The following EPS15 variants were observed in gnomAD, a reference collection of about 807,000 sequenced individuals.
EPS15 encodes the protein epidermal growth factor receptor pathway substrate 15.
EPS15 carries 72 observed loss-of-function variants against 113.8 expected under a neutral mutation model. The observed-to-expected ratio is 0.63, with a 90% CI of 0.52 to 0.77. The LOEUF (loss-of-function observed/expected upper bound fraction) is 0.77, where lower values mean the gene tolerates loss of function less well. EPS15 is among the 30% of genes least tolerant of loss of function. The probability of loss-of-function intolerance (pLI) is 0.00; values close to 1 mark genes in which losing one functional copy is unlikely to be tolerated. For synonymous variants in EPS15, 344 were observed against 363.4 expected (o/e 0.95, Z 0.61); for missense variants, 1,048 against 1,045.8 (o/e 1.00, Z -0.03).
intron 12 of EPS15, among the ~76,000 whole-genome samples, chr1:51,427,045 T>C (rs868716716): frequency 1.1e-4 from 17 of 152,078 alleles, no homozygotes; most frequent in Non-Finnish European, 2.2e-4. Flanking sequence ...GGTCATTTCA[T>C]CTTTTTTAAG....
intron 21 of EPS15, among the ~76,000 whole-genome samples, chr1:51,393,122 T>C (rs904542920): frequency 2.0e-5 from 3 of 152,366 alleles, no homozygotes; most frequent in South Asian, 2.1e-4. Flanking sequence ...TTGCTACTCA[T>C]GTTGGGAGTT....
chr1:51,435,388 T>C (rs1652071055), intron 12 of EPS15, among the ~76,000 whole-genome samples: 1 of 152,060 alleles, frequency 6.6e-6, no homozygotes, highest in Admixed American at 6.5e-5. Flanking sequence ...CAGATGAGGT[T>C]TCGCCATGTT....
chr1:51,408,894 G>C (rs919929965), intron 14 of EPS15, among the ~76,000 whole-genome samples: 1 of 151,694 alleles, frequency 6.6e-6, no homozygotes, highest in South Asian at 2.1e-4. Context: ...CCGCCTCCTG[G>C]GTTCACACCA....
chr1:51,385,335 T>C (rs557269915), intron 21 of EPS15, among the ~76,000 whole-genome samples: 20 of 152,192 alleles, frequency 1.3e-4, no homozygotes, highest in Admixed American at 8.5e-4. Context: ...ATACTAATCA[T>C]TAGGGAAATA....
chr1:51,439,032 A>G (rs1420778276), intron 12 of EPS15, among the ~76,000 whole-genome samples: 1 of 152,150 alleles, frequency 6.6e-6, no homozygotes, highest in Non-Finnish European at 1.5e-5. Flanking sequence ...GAAATGCCAG[A>G]AGAGAGGCAC....
intron 6 of EPS15, among the ~76,000 whole-genome samples, chr1:51,464,151 C>CA (rs1654676816): frequency 6.6e-6 from 1 of 151,768 alleles, no homozygotes; most frequent in African/African-American, 2.4e-5. Context: ...AGACCCAGAG[C>CA]AAAAAAGTAA....
chr1:51,447,950 T>C, intron 9 of EPS15, 96 bp downstream of exon 9: 1 of 1,509,778 alleles, frequency 6.6e-7, no homozygotes, highest in Non-Finnish European at 8.9e-7. Flanking sequence ...TTAATGGTGC[T>C]TTGGTAGGTA....
intron 19 of EPS15, among the ~76,000 whole-genome samples, chr1:51,400,042 C>T (rs899495130): frequency 2.0e-5 from 3 of 152,058 alleles, no homozygotes; most frequent in Non-Finnish European, 2.9e-5. Context: ...TCTACGCTAC[C>T]GTAACTAAAG....
intron 12 of EPS15, chr1:51,422,088 G>A (rs918711725): frequency 6.0e-6 from 7 of 1,175,784 alleles, no homozygotes; most frequent in African/African-American, 1.6e-5. Flanking sequence ...GTGAAAAGAG[G>A]ATAGATTAAA....
chr1:51,439,949 AAT>A (rs1652454247), intron 12 of EPS15, among the ~76,000 whole-genome samples: 1 of 152,098 alleles, frequency 6.6e-6, no homozygotes, highest in Non-Finnish European at 1.5e-5. Flanking sequence ...ATGTTTTTCT[AAT>A]ATGTTATTCA....
intron 16 of EPS15, among the ~76,000 whole-genome samples, chr1:51,404,820 C>T (rs1193829437): frequency 6.6e-6 from 1 of 152,078 alleles, no homozygotes; most frequent in Non-Finnish European, 1.5e-5. Context: ...TGGCTCTATC[C>T]CAGAAACTAG....
At chr1:51,455,347 T>C (rs1653908084) in intron 8 of EPS15, among the ~76,000 whole-genome samples, 1 of 152,152 alleles carries the variant, frequency 6.6e-6, no homozygotes, top group Non-Finnish European at 1.5e-5. Context: ...CCCAGCACTT[T>C]GGGAGGCTAA....
chr1:51,496,889 T>C (rs891997273), intron 1 of EPS15, among the ~76,000 whole-genome samples: 3 of 152,228 alleles, frequency 2.0e-5, no homozygotes, highest in Admixed American at 6.5e-5. Flanking sequence ...ATCTAATGTC[T>C]ACTATGTGAC....
At chr1:51,473,122 T>C (rs1655362263) in intron 2 of EPS15, among the ~76,000 whole-genome samples, 174 bp from the exon 3 acceptor site, 1 of 152,228 alleles carries the variant, frequency 6.6e-6, no homozygotes, top group African/African-American at 2.4e-5. Flanking sequence ...TAGTACTATC[T>C]AGACAGCACT....
chr1:51,452,660 A>G (rs1004281883), intron 8 of EPS15, among the ~76,000 whole-genome samples: 10 of 152,176 alleles, frequency 6.6e-5, no homozygotes, highest in African/African-American at 2.2e-4. Flanking sequence ...GCCCAATATA[A>G]TATTTTTAAG....
chr1:51,481,261 C>CA lies in EPS15; in HGVS notation c.75+11dup. ...TGTTCAATCCAGGCAAACAATGAAA[C>CA]AAAAATCTTACCTGTCTATAGTATT... On this transcript the variant is annotated intron_variant, in intron 2 of 24. Coordinates refer to ENST00000371733, the MANE Select transcript of EPS15 (RefSeq NM_001981.3). 7.6e-7 allele frequency: 1 copy of CA among 1,323,214 alleles called. No individual in the cohort carries two copies. The highest frequency in any genetic ancestry group is 1.1e-6 in the Non-Finnish European group (1 of 918,242). The allele number at this position is 1,323,214 out of a possible 1,614,324, so 82.0% of individuals were successfully genotyped here. A position where few individuals can be genotyped will look rare whatever the true frequency, so the allele number is the denominator to read the frequency against.
intron 6 of EPS15, 130 bp downstream of exon 6, chr1:51,465,131 A>T (rs935350211): frequency 1.8e-5 from 9 of 512,156 alleles, no homozygotes; most frequent in Admixed American, 7.5e-5. Flanking sequence ...AACACCAGTA[A>T]CAGCTTCTCC....
chr1:51,377,895 CTTT>C (rs1209383457), intron 21 of EPS15, among the ~76,000 whole-genome samples: 6 of 136,514 alleles, frequency 4.4e-5, no homozygotes, highest in Non-Finnish European at 4.8e-5. Flanking sequence ...TAATCATTAG[CTTT>C]TTTTTTTTTT....
Position 51,408,110 on chromosome 1 carries a change from T to C in EPS15, c.1473+25A>G. ...AGGACACAGAGGATCCATTTGAATATATTTCTTGCTTTACAAAGACTTACT... is the reference window on the plus strand; with the variant it reads ...AGGACACAGAGGATCCATTTGAATACATTTCTTGCTTTACAAAGACTTACT... On this transcript the variant is annotated intron_variant, in intron 15 of 24. Coordinates refer to ENST00000371733, the MANE Select transcript of EPS15 (RefSeq NM_001981.3). 7 of 1,592,512 alleles carry C rather than the reference T, an allele frequency of 4.4e-6. No individual in the cohort carries two copies. The East Asian group carries it at 6.7e-5, about 15-fold the overall frequency.
Sources: allele counts gnomAD v4.1 joint callset (sites outside exome capture counted in the v4.1 genomes callset), GRCh38; gene constraint gnomAD v4.1.1; transcripts MANE v1.5; gene names NCBI Gene and HGNC (gene_info 2026-07-23, HGNC 2026-07-21).